Variants in ATL3 observed in about 807,000 individuals in gnomAD.
ATL3 encodes the protein atlastin-3.
Under a neutral mutation model 69.5 loss-of-function variants are expected in ATL3, and 49 were observed. The observed-to-expected ratio is 0.71, with a 90% CI of 0.56 to 0.89. ATL3 has a LOEUF of 0.89. ATL3 is among the 40% of genes least tolerant of loss of function. ATL3 has a pLI of 0.00. For missense variants in ATL3, 606 were observed against 645.7 expected (o/e 0.94, Z 0.67); for synonymous variants, 214 against 224.1 (o/e 0.95, Z 0.40).
chr11:63,642,403 TA>T (rs2134485848), intron 8 of ATL3, among the ~76,000 whole-genome samples: 1 of 152,314 alleles, frequency 6.6e-6, no homozygotes, highest in East Asian at 1.9e-4. Flanking sequence ...CTAAATCAAA[TA>T]GGTTGGAAAT....
rs546953337 is a variant in ATL3, at chr11:63,656,563, G to A, written c.405+2198C>T. On this transcript the variant is annotated intron_variant, in intron 3 of 12. Transcript: ENST00000398868. ...AGCCTGACCAATATGGCGAAACCCC[G>A]TCTCTACTAAAAATACAAAAATTAG... 9.9e-5 allele frequency among the ~76,000 whole-genome samples: 15 copies of A among 151,378 alleles called. No individual in the cohort carries two copies. The South Asian group carries it at 2.9e-3, about 30-fold the overall frequency.
At position 63,651,977 on chromosome 11, in the gene ATL3, A is replaced by C; in HGVS notation, c.520T>G (p.Leu174Val). The C allele has an allele frequency of 6.2e-7, 1 of 1,602,142 alleles. No homozygotes were observed. Residue 174 changes from leucine to valine, a missense_variant, in exon 5 of 13, where the codon TTA (leucine) becomes GTA (valine). Physicochemically the swap from Leu to Val is conservative, Grantham distance 32. Transcript: ENST00000398868. ...TCATCTTCTTGAATGTTCTGAGATA[A>C]ATTATAAATCTAGAAAACAAAAATC... is the stretch of plus-strand genomic sequence containing the variant. Reference protein sequence around the residue: ...TMTSSVQIYNLSQNIQEDDLQ... With the variant: ...TMTSSVQIYNVSQNIQEDDLQ...
intron 1 of ATL3, among the ~76,000 whole-genome samples, chr11:63,668,185 A>G (rs1160586422): frequency 6.6e-6 from 1 of 152,214 alleles, no homozygotes; most frequent in African/African-American, 2.4e-5. Flanking sequence ...CATATTCTCC[A>G]AAGGGCAAGA....
intron 6 of ATL3, among the ~76,000 whole-genome samples, chr11:63,645,858 A>G (rs1565275621): frequency 6.6e-6 from 1 of 151,656 alleles, no homozygotes; most frequent in African/African-American, 2.4e-5. Flanking sequence ...ACCTTCACCT[A>G]CCAGGCTCGA....
In ATL3 at chr11:63,628,290, C is replaced by T. The variant is rs1381198892; in HGVS notation, c.*1029G>A. On this transcript the variant is annotated 3_prime_UTR_variant, in exon 13 of 13. Coordinates refer to ENST00000398868, the MANE Select transcript of ATL3 (RefSeq NM_015459.5). ...CTCTGGCTTTTCAAGGCACGTTTGCCTCTTTTTCTAGAAAGAAGCTATAGG... is the reference window on the plus strand; with the variant it reads ...CTCTGGCTTTTCAAGGCACGTTTGCTTCTTTTTCTAGAAAGAAGCTATAGG... 1 of 150,492 alleles carries T rather than the reference C, an allele frequency of 6.6e-6. No individual in the cohort carries two copies. The highest frequency in any genetic ancestry group is 1.5e-5 in the Non-Finnish European group (1 of 67,858). 9.3% of individuals were successfully genotyped at this position (150,492 alleles called of 1,614,324 possible). A position where few individuals can be genotyped will look rare whatever the true frequency, so the allele number is the denominator to read the frequency against.
At position 63,628,335 on chromosome 11, in the gene ATL3, A is replaced by G. The variant is rs930081331; in HGVS notation, c.*984T>C. 9 of 151,816 alleles carry G rather than the reference A, an allele frequency of 5.9e-5. No homozygotes were observed. Among genetic ancestry groups the G allele is most frequent in the Non-Finnish European group, 1.2e-4 (8 of 67,980 alleles). The allele number at this position is 151,816 out of a possible 1,614,324, so 9.4% of individuals were successfully genotyped here. A position where few individuals can be genotyped will look rare whatever the true frequency, so the allele number is the denominator to read the frequency against. The stretch of plus-strand genomic sequence containing the variant: ...TATAGGGACCAAAAAAAAAAAAAAA[A>G]TAGAGCAAGTTGCAACAAAACTGTC... On this transcript the variant is annotated 3_prime_UTR_variant, in exon 13 of 13. Coordinates refer to ENST00000398868, the MANE Select transcript of ATL3 (RefSeq NM_015459.5).
intron 3 of ATL3, among the ~76,000 whole-genome samples, chr11:63,653,676 T>C (rs1247354234): frequency 1.3e-5 from 2 of 152,150 alleles, no homozygotes; most frequent in African/African-American, 4.8e-5. Flanking sequence ...AAATGAACTA[T>C]CAAGACACGA....
chr11:63,668,472 T>C (rs1183906772), intron 1 of ATL3, among the ~76,000 whole-genome samples: 1 of 152,232 alleles, frequency 6.6e-6, no homozygotes, highest in Non-Finnish European at 1.5e-5. Flanking sequence ...TTAAATCTAA[T>C]TAACCAGAAT....
At chr11:63,635,427 G>T in intron 10 of ATL3, 107 bp downstream of exon 10, 1 of 980,614 alleles carries the variant, frequency 1.0e-6, no homozygotes, top group Non-Finnish European at 1.5e-6. Flanking sequence ...TCAGCATGAT[G>T]AAAAAGGAGA....
At chr11:63,663,213 G>C (rs2134534860) in intron 1 of ATL3, among the ~76,000 whole-genome samples, 1 of 152,162 alleles carries the variant, frequency 6.6e-6, no homozygotes, top group East Asian at 1.9e-4. Flanking sequence ...CAAACTCCTG[G>C]GTTCAAGCAA....
chr11:63,659,399 G>T, intron 1 of ATL3, 147 bp from the exon 2 acceptor site: 1 of 662,018 alleles, frequency 1.5e-6, no homozygotes, highest in Non-Finnish European at 2.5e-6. Context: ...AACCAAAGCA[G>T]AAAGATTACT....
intron 1 of ATL3, among the ~76,000 whole-genome samples, chr11:63,669,173 G>A (rs902060814): frequency 3.3e-5 from 5 of 152,002 alleles, no homozygotes; most frequent in Non-Finnish European, 1.5e-5. Flanking sequence ...TACCAGGAAA[G>A]CCTGTCTTCT....
At chr11:63,666,130 C>A (rs780689934) in intron 1 of ATL3, among the ~76,000 whole-genome samples, 13 of 152,114 alleles carry the variant, frequency 8.5e-5, no homozygotes, top group Non-Finnish European at 1.8e-4. Flanking sequence ...GCAACCTCTG[C>A]CTCCTGGGTT....
intron 5 of ATL3, 109 bp downstream of exon 5, chr11:63,651,827 C>T: frequency 2.1e-6 from 3 of 1,427,608 alleles, no homozygotes; most frequent in South Asian, 1.5e-5. Context: ...AACCAAAAAC[C>T]TTCCTCTACA....
chr11:63,655,741 G>T (rs114342166), intron 3 of ATL3, among the ~76,000 whole-genome samples: 2 of 151,134 alleles, frequency 1.3e-5, no homozygotes, highest in African/African-American at 4.9e-5. Flanking sequence ...CCACCGCGCC[G>T]GCCAAAGAAT....
In ATL3 at chr11:63,627,080, A is replaced by T. The variant is rs1939137588; in HGVS notation, c.*2239T>A. 1 of 152,194 alleles carries T rather than the reference A, an allele frequency of 6.6e-6. No homozygotes were observed. The highest frequency in any genetic ancestry group is 6.5e-5 in the Admixed American group (1 of 15,268). The allele number at this position is 152,194 out of a possible 1,614,324, so 9.4% of individuals were successfully genotyped here. On this transcript the variant is annotated 3_prime_UTR_variant, in exon 13 of 13. Coordinates refer to ENST00000398868, the MANE Select transcript of ATL3 (RefSeq NM_015459.5). ...TAAATCATACATTATCACTTTTTTT[A>T]AAGTGACCTAATACTTTAGTATGAG...
chr11:63,651,308 A>G (rs955216248), intron 5 of ATL3, among the ~76,000 whole-genome samples: 4 of 151,932 alleles, frequency 2.6e-5, no homozygotes, highest in African/African-American at 4.8e-5. Flanking sequence ...TACAAAAAGT[A>G]GCCGGGCATG....
At chr11:63,652,692 C>G (rs760287101) in intron 3 of ATL3, 117 bp from the exon 4 acceptor site, 2 of 602,164 alleles carry the variant, frequency 3.3e-6, no homozygotes, top group Non-Finnish European at 5.6e-6. Flanking sequence ...TTATGTGAGC[C>G]TTAAGCACCT....
At chr11:63,654,522 C>T (rs1188755778) in intron 3 of ATL3, among the ~76,000 whole-genome samples, 76 of 141,790 alleles carry the variant, frequency 5.4e-4, no homozygotes, top group Middle Eastern at 8.6e-3. Flanking sequence ...CTCAGCCTCC[C>T]GAGTAGCTGG....
Sources: allele counts gnomAD v4.1 joint callset (sites outside exome capture counted in the v4.1 genomes callset), GRCh38; gene constraint gnomAD v4.1.1; transcripts MANE v1.5; gene names NCBI Gene and HGNC (gene_info 2026-07-23, HGNC 2026-07-21).